The following HEXA variants were observed in gnomAD, a reference collection of about 807,000 sequenced individuals.
HEXA encodes beta-hexosaminidase subunit alpha.
A neutral mutation model predicts 73.3 loss-of-function variants in HEXA; 54 were observed. The observed-to-expected ratio is 0.74, with a 90% confidence interval of 0.59 to 0.92. The LOEUF is 0.92. Among genes scored for constraint, HEXA ranks in the 40% least tolerant of loss-of-function variants. The probability of loss-of-function intolerance (pLI) is 0.00; values close to 1 mark genes in which losing one functional copy is unlikely to be tolerated. For missense variants in HEXA, 649 were observed against 653.0 expected (o/e 0.99, Z 0.07); for synonymous variants, 230 against 246.9 (o/e 0.93, Z 0.64).
At chr15:72,350,331 T>C (rs1028833653) in intron 7 of HEXA, 187 bp downstream of exon 7, 7 of 693,010 alleles carry the variant, frequency 1.0e-5, no homozygotes, top group Non-Finnish European at 1.8e-5. Context: ...CATATTTTAA[T>C]AGTAAGAAGC....
In HEXA at chr15:72,342,360, G is replaced by A. The variant is rs2088561591; in HGVS notation, c.*1717C>T. 6.6e-6 allele frequency: 1 copy of A among 152,180 alleles called. No individual in the cohort carries two copies. Among genetic ancestry groups the A allele is most frequent in the South Asian group, 2.1e-4 (1 of 4,828 alleles). 9.4% of individuals were successfully genotyped at this position (152,180 alleles called of 1,614,324 possible). A position where few individuals can be genotyped will look rare whatever the true frequency, so the allele number is the denominator to read the frequency against. ...CTGAAGGATGGTGTTGAAGGACCGA[G>A]TTTTACTCAGATCCTTCTCAGCCCT... On this transcript the variant is annotated 3_prime_UTR_variant, in exon 14 of 14. Coordinates refer to ENST00000268097, the MANE Select transcript of HEXA (RefSeq NM_000520.6).
chr15:72,350,494 T>A, intron 7 of HEXA, 24 bp downstream of exon 7: 1 of 1,613,260 alleles, frequency 6.2e-7, no homozygotes, highest in Non-Finnish European at 8.5e-7. Context: ...GCAGAGTCCC[T>A]CTGGTCCCAG....
rs144085984 is a variant in HEXA at position 72,356,709 on chromosome 15, G to A, written c.254-92C>T. On this transcript the variant is annotated intron_variant, in intron 1 of 13. Coordinates refer to ENST00000268097, the MANE Select transcript of HEXA (RefSeq NM_000520.6). ...CTAGCTCTAGTCCCTCAGCTCACAC[G>A]CCTGTGGTAAAGGAAAGGGAGGACA... The A allele has an allele frequency of 2.5e-4, 387 of 1,576,252 alleles. 2 individuals are homozygous for A. The African/African-American group carries it at 4.3e-3, about 17-fold the overall frequency.
chr15:72,351,611 T>G (rs1242670451), intron 5 of HEXA: 2 of 333,072 alleles, frequency 6.0e-6, no homozygotes, highest in Middle Eastern at 1.0e-3. Context: ...CTGACTGATG[T>G]TAAGCCCAAC....
At chr15:72,360,578 C>G (rs915001896) in intron 1 of HEXA, 1 of 152,174 alleles carries the variant, frequency 6.6e-6, no homozygotes, top group Non-Finnish European at 1.5e-5. Context: ...TTTCCCAAAG[C>G]CTTCAAATTA....
intron 7 of HEXA, among the ~76,000 whole-genome samples, chr15:72,349,804 C>T (rs537063994): frequency 3.3e-5 from 5 of 152,140 alleles, no homozygotes; most frequent in Non-Finnish European, 7.3e-5. Context: ...TGCTCTGTCG[C>T]CCAGGCTGGA....
At position 72,341,503 on chromosome 15, in the gene HEXA, G is replaced by C. The variant is rs1411618200; in HGVS notation, c.*2574C>G. 1 of 135,294 alleles carries C rather than the reference G, an allele frequency of 7.4e-6. No individual in the cohort carries two copies. The highest frequency in any genetic ancestry group is 1.6e-5 in the Non-Finnish European group (1 of 63,814). 8.4% of individuals were successfully genotyped at this position (135,294 alleles called of 1,614,324 possible). On this transcript the variant is annotated 3_prime_UTR_variant, in exon 14 of 14. Transcript: ENST00000268097. The stretch of plus-strand genomic sequence containing the variant: ...GCTTTGCCTCCTTAATAGACTCCTG[G>C]AATGGGAAGGGGTGGGGGTGGGGAG...
Position 72,346,626 on chromosome 15 carries a change from C to T in HEXA, c.1231G>A (p.Gly411Ser), listed in dbSNP as rs575121167. Residue 411 changes from glycine to serine, a missense_variant, in exon 11 of 14, where the codon GGC becomes AGC. Coordinates refer to ENST00000268097, the MANE Select transcript of HEXA (RefSeq NM_000520.6). ...GGGGCAGAGAGAAGGGCCCGGAAGC[C>T]GGCCTTGGTGACCAGTTCCAGCTCC... ...MKELELVTKAGFRALLSAPWY... is the reference protein window; with the variant it reads ...MKELELVTKASFRALLSAPWY... The T allele has an allele frequency of 3.2e-5, 52 of 1,614,034 alleles. No homozygotes were observed. In the East Asian group the frequency reaches 8.5e-4, roughly 26 times the overall value.
At chr15:72,375,279 G>A (rs2140343904) in intron 1 of HEXA, among the ~76,000 whole-genome samples, 1 of 152,216 alleles carries the variant, frequency 6.6e-6, no homozygotes, top group South Asian at 2.1e-4. Context: ...TGGTAGAGAC[G>A]GGGTTTCACT....
At chr15:72,362,774 G>A (rs1389738977) in intron 1 of HEXA, among the ~76,000 whole-genome samples, 1 of 152,068 alleles carries the variant, frequency 6.6e-6, no homozygotes, top group Non-Finnish European at 1.5e-5. Flanking sequence ...AGGGTAACCT[G>A]GAAACTATCA....
In HEXA at chr15:72,346,261, GTCC is replaced by G; in HGVS notation, c.1392_1394del (p.Asp465del). ...AGAGCCTGGGGACCAGGTTTGTGTT[GTCC>G]ACATATTCTCCCCACATACAAGCCT... On this transcript the variant is annotated inframe_deletion, in exon 12 of 14. Transcript: ENST00000268097. The G allele has an allele frequency of 6.2e-7, 1 of 1,613,804 alleles. No individual in the cohort carries two copies. The highest frequency in any genetic ancestry group is 1.1e-5 in the South Asian group (1 of 91,038).
At chr15:72,362,574 T>C in intron 1 of HEXA, 1 of 428,988 alleles carries the variant, frequency 2.3e-6, no homozygotes, top group Admixed American at 2.5e-5. Flanking sequence ...TACTTTTATA[T>C]CCCCAAACCT....
chr15:72,347,042 C>T (rs962488640), intron 10 of HEXA, among the ~76,000 whole-genome samples: 35 of 151,052 alleles, frequency 2.3e-4, no homozygotes, highest in African/African-American at 5.3e-4. Flanking sequence ...TTTCTGGGGA[C>T]GGGACAAGGT....
intron 3 of HEXA, 183 bp from the exon 4 acceptor site, chr15:72,353,920 T>C (rs2088737488): frequency 1.5e-6 from 1 of 650,726 alleles, no homozygotes; most frequent in African/African-American, 1.8e-5. Context: ...TATCCATCTT[T>C]ACTTCTGTAT....
At position 72,346,272 on chromosome 15, in the gene HEXA, C is replaced by T; in HGVS notation, c.1384G>A (p.Glu462Lys). The change falls in exon 12 of 14, where the codon GAA becomes AAA. Residue 462 changes from glutamate to lysine, a missense_variant. Coordinates refer to ENST00000268097, the MANE Select transcript of HEXA (RefSeq NM_000520.6). ...ACCAGGTTTGTGTTGTCCACATATT[C>T]TCCCCACATACAAGCCTCTCCACCA... ...VIGGEACMWG[E>K]YVDNTNLVPR... 3 of 1,614,048 alleles carry T rather than the reference C, an allele frequency of 1.9e-6. No homozygotes were observed. The highest frequency in any genetic ancestry group is 2.5e-6 in the Non-Finnish European group (3 of 1,179,952).
chr15:72,374,561 A>T (rs573597940), intron 1 of HEXA, among the ~76,000 whole-genome samples: 260 of 152,318 alleles, frequency 1.7e-3, no homozygotes, highest in African/African-American at 5.8e-3. Context: ...TTACTACAAG[A>T]CTTAACCGTA....
chr15:72,368,492 G>A (rs2088946031), intron 1 of HEXA, among the ~76,000 whole-genome samples: 1 of 152,174 alleles, frequency 6.6e-6, no homozygotes, highest in South Asian at 2.1e-4. Context: ...AAGATTAAAG[G>A]GCAATAACAT....
At chr15:72,368,241 C>T (rs1474674852) in intron 1 of HEXA, among the ~76,000 whole-genome samples, 1 of 152,184 alleles carries the variant, frequency 6.6e-6, no homozygotes, top group Non-Finnish European at 1.5e-5. Context: ...AAGTAATTAA[C>T]ACTAAGATGT....
intron 5 of HEXA, 135 bp from the exon 6 acceptor site, chr15:72,351,369 AT>A: frequency 1.4e-6 from 1 of 714,200 alleles, no homozygotes; most frequent in South Asian, 1.5e-5. Context: ...TCAATTAAGT[AT>A]TTATGGGGTC....
Sources: gnomAD v4.1 joint callset for allele counts (sites outside exome capture counted in the v4.1 genomes callset) on GRCh38, gnomAD v4.1.1 for gene constraint, MANE v1.5 for transcripts, NCBI Gene and HGNC (gene_info 2026-07-23, HGNC 2026-07-21) for gene names.